KDM4C: variants seen among roughly 807,000 people sequenced by gnomAD.
KDM4C encodes the protein lysine-specific demethylase 4C.
In KDM4C, 81 loss-of-function variants were observed where a neutral mutation model predicts 129.3. The observed-to-expected ratio is 0.63, with a 90% CI of 0.52 to 0.75. The LOEUF is 0.75. Among genes scored for constraint, KDM4C ranks in the 30% least tolerant of loss-of-function variants. The pLI is 0.00. For missense variants in KDM4C, 1,457 were observed against 1,304.0 expected, an observed-to-expected ratio of 1.12 and a Z score of -1.81; for synonymous variants, 573 against 456.1, an observed-to-expected ratio of 1.26 and a Z score of -3.26.
intron 1 of KDM4C, among the ~76,000 whole-genome samples, chr9:6,779,892 C>T (rs996605849): frequency 6.6e-6 from 1 of 152,142 alleles, no homozygotes; most frequent in Admixed American, 6.6e-5. Context: ...ATAATTGGTT[C>T]ATTGGTGTAA....
chr9:6,967,754 G>A (rs1002493662), intron 8 of KDM4C, among the ~76,000 whole-genome samples: 3 of 152,138 alleles, frequency 2.0e-5, no homozygotes, highest in Non-Finnish European at 4.4e-5. Context: ...CGAGTTCAGA[G>A]TTCAGAAGAT....
intron 15 of KDM4C, among the ~76,000 whole-genome samples, chr9:7,032,833 A>C (rs1342777668): frequency 6.6e-6 from 1 of 152,214 alleles, no homozygotes; most frequent in African/African-American, 2.4e-5. Context: ...TTACATTGAA[A>C]ATAAAGCCAG....
At chr9:6,983,273 A>C (rs908361222) in intron 9 of KDM4C, among the ~76,000 whole-genome samples, 1 of 152,114 alleles carries the variant, frequency 6.6e-6, no homozygotes, top group Non-Finnish European at 1.5e-5. Flanking sequence ...TGTGTTTTGG[A>C]CACTGTTGCT....
chr9:6,850,704 T>A (rs1838681988), intron 5 of KDM4C, among the ~76,000 whole-genome samples: 2 of 152,068 alleles, frequency 1.3e-5, no homozygotes, highest in Admixed American at 1.3e-4. Flanking sequence ...AGTGGTAGGA[T>A]TACAGGCATG....
At chr9:7,112,806 A>C (rs1375981753) in intron 18 of KDM4C, among the ~76,000 whole-genome samples, 1 of 152,118 alleles carries the variant, frequency 6.6e-6, no homozygotes, top group South Asian at 2.1e-4. Context: ...TTTAGCTAAC[A>C]CTTATCTCAC....
At chr9:7,045,644 C>T (rs1450375516) in intron 15 of KDM4C, among the ~76,000 whole-genome samples, 1 of 151,940 alleles carries the variant, frequency 6.6e-6, no homozygotes, top group African/African-American at 2.4e-5. Context: ...ACTCCTTGAG[C>T]TGGGTTTATA....
intron 17 of KDM4C, among the ~76,000 whole-genome samples, chr9:7,065,606 G>C (rs1011519326): frequency 5.3e-5 from 8 of 152,142 alleles, no homozygotes; most frequent in African/African-American, 7.2e-5. Flanking sequence ...TTTCTGACCA[G>C]AGCTGACTGA....
At chr9:6,966,779 C>T (rs1831051713) in intron 8 of KDM4C, among the ~76,000 whole-genome samples, 1 of 152,142 alleles carries the variant, frequency 6.6e-6, no homozygotes, top group Non-Finnish European at 1.5e-5. Flanking sequence ...TCACCATACA[C>T]AACTACTAAT....
chr9:7,160,800 A>G (rs959517577), intron 19 of KDM4C, among the ~76,000 whole-genome samples: 26 of 152,146 alleles, frequency 1.7e-4, no homozygotes, highest in Non-Finnish European at 8.8e-5. Context: ...GACCCACCTG[A>G]GGAGGCAGTG....
At chr9:6,903,855 A>G (rs1179611338) in intron 8 of KDM4C, among the ~76,000 whole-genome samples, 1 of 150,016 alleles carries the variant, frequency 6.7e-6, no homozygotes, top group Non-Finnish European at 1.5e-5. Flanking sequence ...AAATATCAGC[A>G]TATATCTGTA....
chr9:6,735,721 G>T (rs1588044231), intron 1 of KDM4C, among the ~76,000 whole-genome samples: 1 of 152,154 alleles, frequency 6.6e-6, no homozygotes, highest in African/African-American at 2.4e-5. Flanking sequence ...CCAGTGTCAG[G>T]TATGTCTTTA....
At chr9:7,040,371 G>GTA (rs1828362168) in intron 15 of KDM4C, among the ~76,000 whole-genome samples, 1 of 74,774 alleles carries the variant, frequency 1.3e-5, no homozygotes, top group Non-Finnish European at 2.9e-5. Context: ...ACCCCACTCT[G>GTA]TGTGTGTGTG....
At chr9:6,826,447 G>C (rs1286830038) in intron 4 of KDM4C, among the ~76,000 whole-genome samples, 2 of 152,012 alleles carry the variant, frequency 1.3e-5, no homozygotes, top group African/African-American at 4.8e-5. Flanking sequence ...CTCTATGAAT[G>C]CTCCATAATT....
Position 6,919,247 on chromosome 9 carries a change from TTTTC to T in KDM4C, c.921+26037_921+26040del, listed in dbSNP as rs141381388. ...CCTTCTTTCTTTCTTTCTTTCTTTC[TTTTC>T]TTTCTTTCTTTCTTTCTTTCTGTCT... On this transcript the variant is annotated intron_variant, in intron 8 of 21. Coordinates refer to ENST00000381309, the MANE Select transcript of KDM4C (RefSeq NM_015061.6). 6.5e-4 allele frequency among the ~76,000 whole-genome samples: 69 copies of T among 106,364 alleles called. 1 individual carries two copies. The highest frequency in any genetic ancestry group is 2.3e-3 in the South Asian group (8 of 3,414). 69.8% of individuals were successfully genotyped at this position (106,364 alleles called of 152,430 possible).
chr9:6,805,462 ATCTTT>A (rs1310292885), intron 2 of KDM4C, 132 bp from the exon 3 acceptor site: 57 of 598,280 alleles, frequency 9.5e-5, no homozygotes, highest in African/African-American at 9.5e-4. Flanking sequence ...GCAAATATTC[ATCTTT>A]TTTTTTTTTT....
chr9:6,908,366 A>G (rs896878298), intron 8 of KDM4C, among the ~76,000 whole-genome samples: 1 of 152,230 alleles, frequency 6.6e-6, no homozygotes, highest in African/African-American at 2.4e-5. Flanking sequence ...CGAAGTGGGT[A>G]CAGACAGGCA....
At chr9:7,027,425 T>A (rs1335047825) in intron 15 of KDM4C, among the ~76,000 whole-genome samples, 1 of 152,226 alleles carries the variant, frequency 6.6e-6, no homozygotes, top group African/African-American at 2.4e-5. Flanking sequence ...CCTTACTTTC[T>A]TCCAAACAAA....
intron 4 of KDM4C, among the ~76,000 whole-genome samples, chr9:6,837,187 A>T (rs1034280715): frequency 3.3e-5 from 5 of 152,160 alleles, no homozygotes; most frequent in Middle Eastern, 3.2e-3. Context: ...CCTCCTGAGT[A>T]GCAGGGACCA....
chr9:6,767,026 A>G (rs904601956), intron 1 of KDM4C, among the ~76,000 whole-genome samples: 2 of 152,152 alleles, frequency 1.3e-5, no homozygotes, highest in African/African-American at 2.4e-5. Flanking sequence ...CTGAGAGTCC[A>G]TCAGATACTT....
Sources: allele counts gnomAD v4.1 joint callset (sites outside exome capture counted in the v4.1 genomes callset), GRCh38; gene constraint gnomAD v4.1.1; transcripts MANE v1.5; gene names NCBI Gene and HGNC (gene_info 2026-07-23, HGNC 2026-07-21).